ARHGAP15: variants seen among roughly 807,000 people sequenced by gnomAD.
The protein encoded by ARHGAP15 is rho GTPase-activating protein 15.
A neutral mutation model predicts 63.7 loss-of-function variants in ARHGAP15; 51 were observed. The observed-to-expected ratio is 0.80, with a 90% CI of 0.64 to 1.01. The LOEUF (loss-of-function observed/expected upper bound fraction) is 1.01, where lower values mean the gene tolerates loss of function less well. Ranked by LOEUF, ARHGAP15 falls within the 50% of genes least tolerant of loss-of-function variation. ARHGAP15 has a pLI of 0.00. For synonymous variants in ARHGAP15, 191 were observed against 193.8 expected, an observed-to-expected ratio of 0.99 and a Z score of 0.12; for missense variants, 560 against 564.6, an observed-to-expected ratio of 0.99 and a Z score of 0.08.
At chr2:143,406,586 T>C (rs943229227) in intron 6 of ARHGAP15, among the ~76,000 whole-genome samples, 1 of 152,018 alleles carries the variant, frequency 6.6e-6, no homozygotes, top group Non-Finnish European at 1.5e-5. Context: ...TATTTGTCAA[T>C]ATATGTTCAA....
At chr2:143,695,631 G>C (rs1033869461) in intron 12 of ARHGAP15, among the ~76,000 whole-genome samples, 3 of 152,176 alleles carry the variant, frequency 2.0e-5, no homozygotes, top group Admixed American at 6.5e-5. Context: ...ACTTTGGAAG[G>C]CTGAGGCGGG....
intron 12 of ARHGAP15, among the ~76,000 whole-genome samples, chr2:143,666,300 G>C (rs1211197371): frequency 1.3e-5 from 2 of 150,768 alleles, no homozygotes; most frequent in Admixed American, 6.6e-5. Flanking sequence ...ACAAACCTGA[G>C]AAAAACAAGC....
rs188577563 is a variant in ARHGAP15 at position 143,261,651 on chromosome 2, C to G, written c.474+11051C>G. ...GCCTAAGCCACGGTGCCTGGCCGACCCTTTTCGTTCATAGGAATCTAGTTT... is the reference window on the plus strand; with the variant it reads ...GCCTAAGCCACGGTGCCTGGCCGACGCTTTTCGTTCATAGGAATCTAGTTT... On this transcript the variant is annotated intron_variant, in intron 6 of 13. Coordinates refer to ENST00000295095, the MANE Select transcript of ARHGAP15 (RefSeq NM_018460.4). 3.2e-4 allele frequency among the ~76,000 whole-genome samples: 48 copies of G among 152,068 alleles called. No homozygotes were observed. In the Middle Eastern group the frequency reaches 0.01, roughly 32 times the overall value.
intron 8 of ARHGAP15, among the ~76,000 whole-genome samples, chr2:143,463,413 G>T (rs1341084788): frequency 6.6e-6 from 1 of 151,988 alleles, no homozygotes; most frequent in African/African-American, 2.4e-5. Flanking sequence ...GTAGTGGCGG[G>T]CACCTGTAAT....
chr2:143,425,823 T>C (rs1160386587), intron 6 of ARHGAP15, among the ~76,000 whole-genome samples: 1 of 152,174 alleles, frequency 6.6e-6, no homozygotes, highest in Non-Finnish European at 1.5e-5. Flanking sequence ...GTCAAGCTCT[T>C]GGTTAAACAC....
rs531214194 is a variant in ARHGAP15, at chr2:143,664,351, G to C, written c.1139-39068G>C. ...ATAACGAAATGAAGGCAGAAATAAA[G>C]ATGTTCTTTGAAACCAACGAGAACA... On this transcript the variant is annotated intron_variant, in intron 12 of 13. Coordinates refer to ENST00000295095, the MANE Select transcript of ARHGAP15 (RefSeq NM_018460.4). 8.6e-5 allele frequency among the ~76,000 whole-genome samples: 13 copies of C among 151,586 alleles called. 1 individual carries two copies. The South Asian group carries it at 2.7e-3, about 32-fold the overall frequency.
At chr2:143,703,573 A>G in intron 13 of ARHGAP15, 49 bp downstream of exon 13, 19 of 1,416,490 alleles carry the variant, frequency 1.3e-5, no homozygotes, top group Non-Finnish European at 1.8e-5. Flanking sequence ...CATTTCCTAA[A>G]TGGGCAATAT....
At chr2:143,172,630 G>A (rs1690834790) in intron 2 of ARHGAP15, among the ~76,000 whole-genome samples, 1 of 152,102 alleles carries the variant, frequency 6.6e-6, no homozygotes, top group African/African-American at 2.4e-5. Flanking sequence ...TAGAAAGAAA[G>A]TAGGAGTCTT....
intron 6 of ARHGAP15, among the ~76,000 whole-genome samples, chr2:143,343,859 A>C (rs1349371789): frequency 1.3e-5 from 2 of 152,106 alleles, no homozygotes; most frequent in Non-Finnish European, 2.9e-5. Context: ...TTTCTCTGAA[A>C]ATCTTTAACT....
intron 6 of ARHGAP15, among the ~76,000 whole-genome samples, chr2:143,402,960 G>A (rs1430342742): frequency 6.6e-6 from 1 of 151,640 alleles, no homozygotes; most frequent in Non-Finnish European, 1.5e-5. Flanking sequence ...TAAGTCATCT[G>A]GTTTTGTTAA....
At chr2:143,324,241 A>G (rs949781699) in intron 6 of ARHGAP15, among the ~76,000 whole-genome samples, 3 of 152,206 alleles carry the variant, frequency 2.0e-5, no homozygotes, top group Admixed American at 1.3e-4. Context: ...TAGTTATAAC[A>G]TCCACTAAGG....
intron 10 of ARHGAP15, among the ~76,000 whole-genome samples, chr2:143,526,903 A>C (rs1694304875): frequency 6.6e-6 from 1 of 152,152 alleles, no homozygotes; most frequent in Non-Finnish European, 1.5e-5. Flanking sequence ...CAACTTTCAC[A>C]ACAGTGTCAC....
intron 10 of ARHGAP15, 39 bp downstream of exon 10, chr2:143,519,403 C>A (rs751768270): frequency 5.3e-6 from 8 of 1,501,580 alleles, no homozygotes; most frequent in African/African-American, 2.8e-5. Flanking sequence ...CCCATTACTG[C>A]ACCCTCTACA....
chr2:143,330,116 A>AC (rs1684460872), intron 6 of ARHGAP15, among the ~76,000 whole-genome samples: 1 of 86,860 alleles, frequency 1.2e-5, no homozygotes, highest in Non-Finnish European at 2.3e-5. Context: ...AAAAAAAAAA[A>AC]AAAAAAAAAA....
intron 6 of ARHGAP15, among the ~76,000 whole-genome samples, chr2:143,251,341 T>A (rs534328514): frequency 2.2e-4 from 33 of 152,006 alleles, no homozygotes; most frequent in Non-Finnish European, 2.6e-4. Flanking sequence ...TATAATTTAG[T>A]AGAAGAGAGA....
chr2:143,469,473 C>T (rs76786766), intron 8 of ARHGAP15, among the ~76,000 whole-genome samples: 10,364 of 152,242 alleles, frequency 0.068, 545 homozygotes, highest in East Asian at 0.22. Flanking sequence ...GGCCACTGTG[C>T]CAACTGTAGC....
intron 1 of ARHGAP15, among the ~76,000 whole-genome samples, chr2:143,139,008 A>T (rs999965475): frequency 2.0e-5 from 3 of 151,980 alleles, no homozygotes; most frequent in African/African-American, 4.8e-5. Flanking sequence ...GCTCTAAACC[A>T]TCTTCTTTTT....
At chr2:143,339,578 C>T (rs955953270) in intron 6 of ARHGAP15, among the ~76,000 whole-genome samples, 2 of 152,126 alleles carry the variant, frequency 1.3e-5, no homozygotes. Flanking sequence ...TCTGGAATTA[C>T]TCTATTGGCA....
intron 6 of ARHGAP15, among the ~76,000 whole-genome samples, chr2:143,405,591 G>C (rs1688168248): frequency 6.6e-6 from 1 of 151,766 alleles, no homozygotes; most frequent in Non-Finnish European, 1.5e-5. Flanking sequence ...AGCTTAAGGA[G>C]TGTCCCTCAT....
Sources: gnomAD v4.1 joint callset for allele counts (sites outside exome capture counted in the v4.1 genomes callset) on GRCh38, gnomAD v4.1.1 for gene constraint, MANE v1.5 for transcripts, NCBI Gene and HGNC (gene_info 2026-07-23, HGNC 2026-07-21) for gene names.